TTLL5: variants seen among roughly 807,000 people sequenced by gnomAD.
TTLL5 encodes tubulin polyglutamylase TTLL5.
A neutral mutation model predicts 168.4 loss-of-function variants in TTLL5; 132 were observed. The observed-to-expected ratio is 0.78, with a 90% confidence interval of 0.68 to 0.91. TTLL5 has a LOEUF of 0.91. Among genes scored for constraint, TTLL5 ranks in the 40% least tolerant of loss-of-function variants. The probability of loss-of-function intolerance (pLI) is 0.00; values close to 1 mark genes in which losing one functional copy is unlikely to be tolerated. For synonymous variants in TTLL5, 546 were observed against 558.6 expected, an observed-to-expected ratio of 0.98 and a Z score of 0.32; for missense variants, 1,545 against 1,581.5, an observed-to-expected ratio of 0.98 and a Z score of 0.39.
At chr14:75,762,781 G>A (rs1304527682) in intron 18 of TTLL5, among the ~76,000 whole-genome samples, 2 of 152,162 alleles carry the variant, frequency 1.3e-5, no homozygotes, top group Non-Finnish European at 2.9e-5. Context: ...GTTTTCAGAA[G>A]TTTATTTTTT....
chr14:75,875,154 C>G (rs919884805), intron 29 of TTLL5, among the ~76,000 whole-genome samples: 1 of 149,122 alleles, frequency 6.7e-6, no homozygotes, highest in Non-Finnish European at 1.5e-5. Flanking sequence ...AGGATGGTCT[C>G]GATCTCCTGA....
chr14:75,731,894 GT>G lies in TTLL5; in HGVS notation c.1043-441del, dbSNP rs544238264. ...TTCTAGAGAAATGCCTTCAGGAGAT[GT>G]TTCTGTTTTCAAAGTTGGCAGGGAG... On this transcript the variant is annotated intron_variant, in intron 12 of 31. Transcript: ENST00000298832. Among the ~76,000 whole-genome samples, 33 of 152,020 alleles carry G rather than the reference GT, an allele frequency of 2.2e-4. No individual in the cohort carries two copies. In the East Asian group the frequency reaches 4.8e-3, roughly 22 times the overall value.
chr14:75,839,796 T>TA lies in TTLL5; in HGVS notation c.3326+19636dup, dbSNP rs570697144. Among the ~76,000 whole-genome samples the TA allele has an allele frequency of 8.5e-5, 13 of 152,346 alleles. No individual in the cohort carries two copies. In the South Asian group the frequency reaches 2.3e-3, roughly 27 times the overall value. ...GGGTGTGATCTCACTGTAGTTTTGATATGCATTTCCCTAATGATTAGGAAT... is the reference window on the plus strand; with the variant it reads ...GGGTGTGATCTCACTGTAGTTTTGATAATGCATTTCCCTAATGATTAGGAAT... On this transcript the variant is annotated intron_variant, in intron 28 of 31. Coordinates refer to ENST00000298832, the MANE Select transcript of TTLL5 (RefSeq NM_015072.5).
intron 31 of TTLL5, among the ~76,000 whole-genome samples, chr14:75,951,686 C>T (rs552126056): frequency 1.2e-3 from 187 of 152,276 alleles, no homozygotes; most frequent in African/African-American, 4.3e-3. Flanking sequence ...TGCCTGAGCC[C>T]CTGAGGTTGA....
intron 31 of TTLL5, chr14:75,904,096 C>G (rs1374045987): frequency 3.2e-6 from 4 of 1,241,806 alleles, no homozygotes; most frequent in Non-Finnish European, 4.1e-6. Context: ...CCCAGCCACA[C>G]TGATCCATGG....
chr14:75,765,932 C>T (rs1890951052), intron 19 of TTLL5, 130 bp from the exon 20 acceptor site: 2 of 657,588 alleles, frequency 3.0e-6, no homozygotes, highest in Non-Finnish European at 5.2e-6. Context: ...CATGTGGGTG[C>T]TATTAATTCT....
intron 31 of TTLL5, among the ~76,000 whole-genome samples, chr14:75,909,152 A>G (rs1407247044): frequency 1.3e-5 from 2 of 151,700 alleles, no homozygotes; most frequent in Non-Finnish European, 2.9e-5. Context: ...TCACAGGGCT[A>G]GTTAATTCCT....
chr14:75,774,000 C>CGAGCGAGA (rs1891562216), intron 21 of TTLL5, among the ~76,000 whole-genome samples: 3 of 41,542 alleles, frequency 7.2e-5, no homozygotes, highest in African/African-American at 2.4e-4. Flanking sequence ...AGAGAGAGAG[C>CGAGCGAGA]GAGAGTACAA....
intron 28 of TTLL5, among the ~76,000 whole-genome samples, chr14:75,848,367 A>G (rs1896669402): frequency 6.6e-6 from 1 of 152,138 alleles, no homozygotes. Context: ...TCTGCACATT[A>G]ACTTCCACTC....
intron 19 of TTLL5, among the ~76,000 whole-genome samples, chr14:75,765,796 G>A (rs972541735): frequency 3.3e-5 from 5 of 152,042 alleles, no homozygotes; most frequent in South Asian, 2.1e-4. Flanking sequence ...CCAGGATGTC[G>A]AGCTGTAATG....
intron 7 of TTLL5, 110 bp downstream of exon 7, chr14:75,699,380 C>G: frequency 1.0e-6 from 1 of 965,036 alleles, no homozygotes; most frequent in Non-Finnish European, 1.6e-6. Context: ...GTGTGCTCTT[C>G]TTAAATCTGC....
intron 31 of TTLL5, among the ~76,000 whole-genome samples, chr14:75,951,533 G>A (rs2034960761): frequency 6.6e-6 from 1 of 152,114 alleles, no homozygotes; most frequent in Admixed American, 6.5e-5. Flanking sequence ...GCCAGCGTGG[G>A]AGGATTTCTT....
intron 17 of TTLL5, among the ~76,000 whole-genome samples, chr14:75,752,374 G>A (rs1295295838): frequency 6.6e-6 from 1 of 152,192 alleles, no homozygotes; most frequent in Non-Finnish European, 1.5e-5. Context: ...AAGTGTGAAT[G>A]AATTGATGTT....
intron 3 of TTLL5, among the ~76,000 whole-genome samples, chr14:75,676,115 C>T (rs941991295): frequency 6.6e-6 from 1 of 152,114 alleles, no homozygotes; most frequent in Non-Finnish European, 1.5e-5. Flanking sequence ...TCTATTCTTG[C>T]CCTCAATGGA....
chr14:75,886,725 A>G, intron 30 of TTLL5: 1 of 1,597,940 alleles, frequency 6.3e-7, no homozygotes, highest in Non-Finnish European at 8.5e-7. Context: ...CTCCTTTCAA[A>G]ACTATTTGTG....
intron 7 of TTLL5, among the ~76,000 whole-genome samples, chr14:75,701,562 G>T (rs1330140991): frequency 6.6e-6 from 1 of 152,202 alleles, no homozygotes; most frequent in Non-Finnish European, 1.5e-5. Flanking sequence ...AAAATAAAGT[G>T]GGCCATATTG....
intron 15 of TTLL5, among the ~76,000 whole-genome samples, chr14:75,738,206 A>G (rs1889027499): frequency 6.6e-6 from 1 of 152,160 alleles, no homozygotes; most frequent in Non-Finnish European, 1.5e-5. Context: ...GAGATTAACC[A>G]TTGCTTTCTT....
intron 31 of TTLL5, among the ~76,000 whole-genome samples, chr14:75,912,133 T>C (rs2033416669): frequency 6.6e-6 from 1 of 151,738 alleles, no homozygotes; most frequent in African/African-American, 2.4e-5. Flanking sequence ...GGCTGACAGC[T>C]CCGCCCTACT....
At chr14:75,902,749 A>G (rs546151712) in intron 31 of TTLL5, among the ~76,000 whole-genome samples, 1 of 152,236 alleles carries the variant, frequency 6.6e-6, no homozygotes, top group Non-Finnish European at 1.5e-5. Flanking sequence ...GTGTAGGTGC[A>G]TACAGATAAG....
Sources: gnomAD v4.1 joint callset for allele counts (sites outside exome capture counted in the v4.1 genomes callset) on GRCh38, gnomAD v4.1.1 for gene constraint, MANE v1.5 for transcripts, NCBI Gene and HGNC (gene_info 2026-07-23, HGNC 2026-07-21) for gene names.